AKR1E2: variants seen among roughly 807,000 people sequenced by gnomAD.
AKR1E2 encodes the protein 1,5-anhydro-D-fructose reductase.
In AKR1E2, 43 loss-of-function variants were observed where a neutral mutation model predicts 41.9. That is an observed-to-expected ratio of 1.03 (90% confidence interval 0.80 to 1.32). The LOEUF is 1.32. AKR1E2 is among the 40% of genes most tolerant of loss of function. The pLI is 0.00. For missense variants in AKR1E2, 423 were observed against 396.5 expected (o/e 1.07, Z -0.57); for synonymous variants, 121 against 138.9 (o/e 0.87, Z 0.91).
intron 8 of AKR1E2, among the ~76,000 whole-genome samples, chr10:4,843,718 A>G (rs1834069178): frequency 6.6e-6 from 1 of 152,130 alleles, no homozygotes; most frequent in Non-Finnish European, 1.5e-5. Context: ...TTGGCAGGAG[A>G]GGCAGGCCAC....
In AKR1E2 at chr10:4,835,618, GTT is replaced by G. The variant is rs1300411541; in HGVS notation, c.325-50_325-49del. ...TTGGATGCAGGTCTCCTGACACATG[GTT>G]TTTTTTGTTTTGTTTTGTTTTGTTT... On this transcript the variant is annotated intron_variant, in intron 3 of 9. Transcript: ENST00000298375. 3.3e-5 allele frequency: 37 copies of G among 1,133,216 alleles called. No individual in the cohort carries two copies. In the Middle Eastern group the frequency reaches 6.3e-4, roughly 19 times the overall value. 70.2% of individuals were successfully genotyped at this position (1,133,216 alleles called of 1,614,324 possible).
the AKR1E2 span, among the ~76,000 whole-genome samples, chr10:4,869,694 T>C: frequency 1.3e-5 from 2 of 152,088 alleles, no homozygotes; most frequent in Admixed American, 6.5e-5. Flanking sequence ...CAATTTGATA[T>C]GTTGCGTTTT....
chr10:4,842,250 T>TGGCTGTC, intron 7 of AKR1E2, among the ~76,000 whole-genome samples, 171 bp from the exon 8 acceptor site: 1 of 152,366 alleles, frequency 6.6e-6, no homozygotes, highest in East Asian at 1.9e-4. Context: ...CTTGGGCTGA[T>TGGCTGTC]GGCTGTCATT....
At chr10:4,828,318 C>T (rs1298833048) in intron 1 of AKR1E2, among the ~76,000 whole-genome samples, 1 of 152,160 alleles carries the variant, frequency 6.6e-6, no homozygotes, top group Non-Finnish European at 1.5e-5. Flanking sequence ...CACAAGAGAG[C>T]AAGGGGAGCG....
At chr10:4,845,246 C>T (rs996247358) in intron 8 of AKR1E2, among the ~76,000 whole-genome samples, 3 of 152,208 alleles carry the variant, frequency 2.0e-5, no homozygotes, top group African/African-American at 7.2e-5. Flanking sequence ...ACCCGGAATT[C>T]GTGCTGGCCT....
chr10:4,839,820 G>A lies in AKR1E2; in HGVS notation c.674G>A (p.Gly225Asp). The change falls in exon 6 of 10, where the codon GGC (glycine) becomes GAC (aspartate). Residue 225 changes from glycine to aspartate, a missense_variant. Physicochemically the swap from Gly to Asp is moderately conservative, Grantham distance 94 (BLOSUM62 -1). Coordinates refer to ENST00000298375, the MANE Select transcript of AKR1E2 (RefSeq NM_001040177.3). Reference sequence around the variant, plus strand: ...GTGACTGCTTACCGTCCTCTTGGTGGCTCGTGGTAAGGATACCTCAGTGGT... The same window carrying A: ...GTGACTGCTTACCGTCCTCTTGGTGACTCGTGGTAAGGATACCTCAGTGGT... The part of the protein sequence containing the change: ...VSVTAYRPLG[G>D]SCEGVDLIDN... 2 of 1,613,922 alleles carry A rather than the reference G, an allele frequency of 1.2e-6. No individual in the cohort carries two copies. Among genetic ancestry groups the A allele is most frequent in the Non-Finnish European group, 1.7e-6 (2 of 1,179,858 alleles).
chr10:4,857,038 CT>C, the AKR1E2 span, among the ~76,000 whole-genome samples: 1 of 152,196 alleles, frequency 6.6e-6, no homozygotes, highest in African/African-American at 2.4e-5. Flanking sequence ...CACAAGTCTA[CT>C]TTCTTGATCT....
At chr10:4,861,117 A>T in the AKR1E2 span, among the ~76,000 whole-genome samples, 1 of 152,330 alleles carries the variant, frequency 6.6e-6, no homozygotes, top group East Asian at 1.9e-4. Flanking sequence ...AAGATTTTTA[A>T]ACAGATTAAA....
At chr10:4,854,518 C>A in the AKR1E2 span, among the ~76,000 whole-genome samples, 1 of 152,182 alleles carries the variant, frequency 6.6e-6, no homozygotes, top group African/African-American at 2.4e-5. Flanking sequence ...TAACATCTTT[C>A]TTGTGACCAC....
chr10:4,872,925 G>T, the AKR1E2 span, among the ~76,000 whole-genome samples: 36 of 152,178 alleles, frequency 2.4e-4, no homozygotes, highest in South Asian at 1.0e-3. Flanking sequence ...CCTGAAGGAT[G>T]TAAAGGAGTG....
upstream of AKR1E2, chr10:4,826,098 G>A (rs973266551): frequency 1.0e-5 from 4 of 396,720 alleles, no homozygotes; most frequent in Non-Finnish European, 1.8e-5. Context: ...CCAGCCAATC[G>A]GGGTGCCCGT....
downstream of AKR1E2, among the ~76,000 whole-genome samples, chr10:4,852,499 G>A (rs1238819848): frequency 2.0e-5 from 3 of 152,210 alleles, no homozygotes; most frequent in Admixed American, 6.5e-5. Context: ...ATCAATGGAA[G>A]GAGAATACCG....
chr10:4,872,413 T>G, the AKR1E2 span, among the ~76,000 whole-genome samples: 99 of 152,292 alleles, frequency 6.5e-4, no homozygotes, highest in African/African-American at 2.3e-3. Flanking sequence ...AATTTTATAT[T>G]ATACCTAGAG....
chr10:4,853,145 ACT>A, the AKR1E2 span, among the ~76,000 whole-genome samples: 1 of 152,190 alleles, frequency 6.6e-6, no homozygotes, highest in Admixed American at 6.5e-5. Context: ...CCAGAGCCAA[ACT>A]CTCATAATAT....
intron 8 of AKR1E2, 113 bp from the exon 9 acceptor site, chr10:4,847,035 G>A (rs1052693653): frequency 1.7e-6 from 2 of 1,170,844 alleles, no homozygotes; most frequent in African/African-American, 3.1e-5. Context: ...TGAAGTGTTT[G>A]TTTTACATCT....
rs1901644 is a variant in AKR1E2, at chr10:4,830,364, C to G, written c.40-311C>G. Among the ~76,000 whole-genome samples the G allele has an allele frequency of 0.2, 31,064 of 152,170 alleles. 3,363 individuals carry two copies. Among genetic ancestry groups the G allele is most frequent in the Middle Eastern group, 0.34 (101 of 294 alleles). On this transcript the variant is annotated intron_variant, in intron 1 of 9. Transcript: ENST00000298375. ...ATAAATCTTAAGCCTCTTTGCATCTCAGTTATTATTCATTCTGTACTTTTT... is the reference window on the plus strand; with the variant it reads ...ATAAATCTTAAGCCTCTTTGCATCTGAGTTATTATTCATTCTGTACTTTTT...
chr10:4,829,204 A>G (rs1832778829), intron 1 of AKR1E2, among the ~76,000 whole-genome samples: 1 of 152,176 alleles, frequency 6.6e-6, no homozygotes, highest in Non-Finnish European at 1.5e-5. Context: ...TAGATTTTGA[A>G]TCTAAACTGG....
chr10:4,833,305 G>A, intron 2 of AKR1E2, 45 bp from the exon 3 acceptor site: 1 of 1,490,616 alleles, frequency 6.7e-7, no homozygotes, highest in Admixed American at 1.7e-5. Flanking sequence ...GTGCCATGCT[G>A]GCTCTGGGTG....
chr10:4,832,456 G>A (rs1275430813), intron 2 of AKR1E2, among the ~76,000 whole-genome samples: 1 of 152,222 alleles, frequency 6.6e-6, no homozygotes, highest in African/African-American at 2.4e-5. Context: ...AGGTAGGGAT[G>A]TGAGCAACTG....
Sources: gnomAD v4.1 joint callset for allele counts (sites outside exome capture counted in the v4.1 genomes callset) on GRCh38, gnomAD v4.1.1 for gene constraint, MANE v1.5 for transcripts, NCBI Gene and HGNC (gene_info 2026-07-23, HGNC 2026-07-21) for gene names.